Variants in USP32 observed in about 807,000 individuals in gnomAD.
The protein encoded by USP32 is ubiquitin carboxyl-terminal hydrolase 32.
In USP32, 59 loss-of-function variants were observed where a neutral mutation model predicts 204.8. The observed-to-expected ratio is 0.29, with a 90% CI of 0.23 to 0.36. The LOEUF (loss-of-function observed/expected upper bound fraction) is 0.36, where lower values mean the gene tolerates loss of function less well. Ranked by LOEUF, USP32 falls within the 10% of genes least tolerant of loss-of-function variation. The probability of loss-of-function intolerance (pLI) is 1.00; values close to 1 mark genes in which losing one functional copy is unlikely to be tolerated. For synonymous variants in USP32, 517 were observed against 678.4 expected (o/e 0.76, Z 3.70); for missense variants, 1,160 against 1,946.4 (o/e 0.60, Z 7.60).
intron 1 of USP32, among the ~76,000 whole-genome samples, chr17:60,380,334 T>C (rs530015662): frequency 4.6e-5 from 7 of 152,200 alleles, no homozygotes; most frequent in African/African-American, 1.7e-4. Context: ...TGGGAGGCTG[T>C]GGTGGGTGGA....
intron 1 of USP32, among the ~76,000 whole-genome samples, chr17:60,420,084 T>G (rs1337354444): frequency 2.7e-5 from 4 of 150,314 alleles, no homozygotes; most frequent in African/African-American, 9.7e-5. Flanking sequence ...TTTTATTTTA[T>G]TTTATTTTAT....
intron 2 of USP32, among the ~76,000 whole-genome samples, chr17:60,318,104 G>A (rs2088027556): frequency 6.6e-6 from 1 of 152,218 alleles, no homozygotes; most frequent in African/African-American, 2.4e-5. Flanking sequence ...ATGTGTATCA[G>A]TTTTGTAAAT....
chr17:60,271,960 C>T (rs1051360421), intron 5 of USP32, among the ~76,000 whole-genome samples: 2 of 151,990 alleles, frequency 1.3e-5, no homozygotes, highest in African/African-American at 4.8e-5. Flanking sequence ...TACATGTGTA[C>T]GCCACCACAT....
intron 12 of USP32, among the ~76,000 whole-genome samples, chr17:60,232,892 C>T (rs1050934877): frequency 2.0e-5 from 3 of 152,114 alleles, no homozygotes; most frequent in East Asian, 3.9e-4. Context: ...CTACTACTAC[C>T]ACCATTATTA....
At chr17:60,211,583 A>G in intron 19 of USP32, 69 bp from the exon 20 acceptor site, 2 of 1,518,354 alleles carry the variant, frequency 1.3e-6, no homozygotes, top group Non-Finnish European at 1.8e-6. Context: ...AGTTACTTAT[A>G]TTCAATGAAA....
intron 1 of USP32, among the ~76,000 whole-genome samples, chr17:60,353,948 T>C (rs1340285716): frequency 6.6e-6 from 1 of 152,224 alleles, no homozygotes; most frequent in Non-Finnish European, 1.5e-5. Context: ...TATTAACCTT[T>C]TCTGCAGTGA....
chr17:60,261,744 C>A (rs1279838341), intron 9 of USP32, among the ~76,000 whole-genome samples: 1 of 151,952 alleles, frequency 6.6e-6, no homozygotes, highest in Non-Finnish European at 1.5e-5. Context: ...GTATAAGAAC[C>A]TTTTATATCT....
chr17:60,330,672 G>A (rs566517252), intron 2 of USP32, among the ~76,000 whole-genome samples: 1 of 151,842 alleles, frequency 6.6e-6, no homozygotes, highest in South Asian at 2.1e-4. Flanking sequence ...TCAGCCTCCC[G>A]AGTAGCTGGG....
At chr17:60,413,511 A>T (rs1287918608) in intron 1 of USP32, among the ~76,000 whole-genome samples, 2 of 152,186 alleles carry the variant, frequency 1.3e-5, no homozygotes, top group South Asian at 2.1e-4. Flanking sequence ...GATTAAAAAA[A>T]TTTTGATTTC....
intron 13 of USP32, 152 bp downstream of exon 13, chr17:60,225,887 G>A: frequency 1.4e-6 from 1 of 737,072 alleles, no homozygotes; most frequent in South Asian, 2.3e-5. Flanking sequence ...CCAGAAGGTG[G>A]AGGTTGCAGT....
chr17:60,196,657 T>C (rs1360716578), intron 27 of USP32, among the ~76,000 whole-genome samples: 2 of 151,858 alleles, frequency 1.3e-5, no homozygotes, highest in Non-Finnish European at 2.9e-5. Context: ...AAACCCTGTC[T>C]GTACTAAAAA....
intron 2 of USP32, among the ~76,000 whole-genome samples, chr17:60,338,819 A>G (rs932917391): frequency 6.6e-6 from 1 of 152,182 alleles, no homozygotes; most frequent in Admixed American, 6.5e-5. Context: ...TGTTTTCTCA[A>G]TCCCCTCAAA....
chr17:60,182,707 G>A (rs1047065344), intron 31 of USP32, among the ~76,000 whole-genome samples: 26 of 152,124 alleles, frequency 1.7e-4, no homozygotes, highest in African/African-American at 5.8e-4. Context: ...AGGCTGCAGT[G>A]AGCTGTGATC....
intron 1 of USP32, among the ~76,000 whole-genome samples, chr17:60,409,240 A>T (rs948241854): frequency 1.3e-5 from 2 of 152,162 alleles, no homozygotes; most frequent in South Asian, 4.1e-4. Context: ...CCCCGCTGCT[A>T]GAGGGGCTGA....
chr17:60,385,746 G>A (rs867138102), intron 1 of USP32, among the ~76,000 whole-genome samples: 51 of 151,384 alleles, frequency 3.4e-4, no homozygotes, highest in Admixed American at 2.4e-3. Context: ...GAAGGCTGAC[G>A]CATGAGAATA....
At position 60,185,710 on chromosome 17, in the gene USP32, C is replaced by A. The variant is rs879824357; in HGVS notation, c.3643-59G>T. ...GTGGGAAGGCATTTAAAGTGGTGATCTAGGTATGCATCAACCTCTTGGTCA... is the reference window on the plus strand; with the variant it reads ...GTGGGAAGGCATTTAAAGTGGTGATATAGGTATGCATCAACCTCTTGGTCA... On this transcript the variant is annotated intron_variant, in intron 29 of 33. Coordinates refer to ENST00000300896, the MANE Select transcript of USP32 (RefSeq NM_032582.4). The A allele has an allele frequency of 1.3e-5, 21 of 1,558,562 alleles. No homozygotes were observed. In the Admixed American group the frequency reaches 3.4e-4, roughly 25 times the overall value.
intron 1 of USP32, among the ~76,000 whole-genome samples, chr17:60,408,996 A>C (rs990439149): frequency 6.6e-6 from 1 of 152,172 alleles, no homozygotes; most frequent in Non-Finnish European, 1.5e-5. Context: ...CCCAGACCCC[A>C]GCTTGGGGAG....
At position 60,177,443 on chromosome 17, in the gene USP32, T is replaced by C. The variant is rs1198332557; in HGVS notation, c.*1812A>G. Reference sequence around the variant, plus strand: ...TAATTTACAAGGTGAATGTAGTTAATAGTTAATTTAATAAATTTTCTGCTA... The same window carrying C: ...TAATTTACAAGGTGAATGTAGTTAACAGTTAATTTAATAAATTTTCTGCTA... On this transcript the variant is annotated 3_prime_UTR_variant, in exon 34 of 34. Transcript: ENST00000300896. Among the ~76,000 whole-genome samples, 8 of 152,372 alleles carry C rather than the reference T, an allele frequency of 5.3e-5. No individual in the cohort carries two copies. In the East Asian group the frequency reaches 1.2e-3, roughly 22 times the overall value.
chr17:60,384,138 T>C (rs1028163630), intron 1 of USP32, among the ~76,000 whole-genome samples: 1 of 152,202 alleles, frequency 6.6e-6, no homozygotes, highest in African/African-American at 2.4e-5. Flanking sequence ...ATGTCTAGAT[T>C]TTTCAGTTTA....
Sources: gnomAD v4.1 joint callset for allele counts (sites outside exome capture counted in the v4.1 genomes callset) on GRCh38, gnomAD v4.1.1 for gene constraint, MANE v1.5 for transcripts, NCBI Gene and HGNC (gene_info 2026-07-23, HGNC 2026-07-21) for gene names.